Variants in GPHN observed in about 807,000 individuals in gnomAD.
GPHN encodes the protein gephyrin.
Under a neutral mutation model 95.5 loss-of-function variants are expected in GPHN, and 17 were observed. The observed-to-expected ratio is 0.18, with a 90% CI of 0.12 to 0.27. The LOEUF (loss-of-function observed/expected upper bound fraction) is 0.27, where lower values mean the gene tolerates loss of function less well. GPHN is among the 10% of genes least tolerant of loss of function. The probability of loss-of-function intolerance (pLI) is 1.00; values close to 1 mark genes in which losing one functional copy is unlikely to be tolerated. For synonymous variants in GPHN, 320 were observed against 322.5 expected, an observed-to-expected ratio of 0.99 and a Z score of 0.08; for missense variants, 660 against 978.1, an observed-to-expected ratio of 0.67 and a Z score of 4.34.
chr14:67,244,399 T>C, the GPHN span, among the ~76,000 whole-genome samples: 1 of 152,262 alleles, frequency 6.6e-6, no homozygotes. Flanking sequence ...TTCACATTCT[T>C]GCCCACACTG....
chr14:66,958,341 C>T (rs1483682522), intron 8 of GPHN, among the ~76,000 whole-genome samples: 1 of 152,098 alleles, frequency 6.6e-6, no homozygotes, highest in Admixed American at 6.6e-5. Context: ...TATCTTTTTC[C>T]ATTCCTTCAC....
At chr14:67,082,248 ATTTG>A (rs1484417120) in intron 11 of GPHN, among the ~76,000 whole-genome samples, 2 of 152,040 alleles carry the variant, frequency 1.3e-5, no homozygotes, top group Non-Finnish European at 2.9e-5. Context: ...ATGTGTTTCC[ATTTG>A]TTTGTGTCAT....
chr14:66,595,984 C>T (rs2140752310), intron 1 of GPHN, among the ~76,000 whole-genome samples: 1 of 152,164 alleles, frequency 6.6e-6, no homozygotes, highest in East Asian at 1.9e-4. Context: ...TTAAAGGAGA[C>T]CCACAGTGGG....
chr14:66,651,145 C>A (rs530506864), intron 1 of GPHN, among the ~76,000 whole-genome samples: 2 of 152,170 alleles, frequency 1.3e-5, no homozygotes, highest in Non-Finnish European at 2.9e-5. Flanking sequence ...TCAGAGATTT[C>A]TTTTAGGAGA....
At chr14:67,263,464 ATC>A in the GPHN span, among the ~76,000 whole-genome samples, 5 of 152,374 alleles carry the variant, frequency 3.3e-5, no homozygotes, top group Non-Finnish European at 7.3e-5. Flanking sequence ...TTAAAAGAGA[ATC>A]TCTATGAACA....
chr14:66,930,047 G>T (rs1169359513), intron 8 of GPHN, among the ~76,000 whole-genome samples: 1 of 152,158 alleles, frequency 6.6e-6, no homozygotes, highest in Non-Finnish European at 1.5e-5. Flanking sequence ...TGTGTTTCTT[G>T]TGACCAACAG....
chr14:66,865,000 A>G (rs1341989089), intron 4 of GPHN, among the ~76,000 whole-genome samples: 2 of 152,186 alleles, frequency 1.3e-5, no homozygotes, highest in African/African-American at 4.8e-5. Flanking sequence ...TATGTTTGTG[A>G]AGCCAGGCAC....
chr14:66,691,187 T>A (rs1423109849), intron 2 of GPHN, among the ~76,000 whole-genome samples: 1 of 146,072 alleles, frequency 6.8e-6, no homozygotes, highest in Non-Finnish European at 1.5e-5. Context: ...ACAATTTTTA[T>A]TTTTTTTTTT....
chr14:66,694,101 A>T (rs2067963670), intron 2 of GPHN, among the ~76,000 whole-genome samples: 1 of 152,162 alleles, frequency 6.6e-6, no homozygotes, highest in Non-Finnish European at 1.5e-5. Flanking sequence ...CATATGTTGA[A>T]GCTTAACCCC....
the GPHN span, chr14:67,656,287 A>G: frequency 2.1e-5 from 19 of 901,252 alleles, no homozygotes; most frequent in African/African-American, 5.1e-5. Flanking sequence ...TGAGAAAAGC[A>G]TAAGAACTTA....
At chr14:66,866,081 C>T (rs374838014) in intron 4 of GPHN, among the ~76,000 whole-genome samples, 1 of 152,072 alleles carries the variant, frequency 6.6e-6, no homozygotes, top group East Asian at 1.9e-4. Context: ...TCTTCTACCC[C>T]ACTCCCACCA....
chr14:66,994,971 ACATTC>A (rs1184416008), intron 9 of GPHN, among the ~76,000 whole-genome samples: 2 of 152,232 alleles, frequency 1.3e-5, no homozygotes, highest in East Asian at 3.8e-4. Flanking sequence ...AGCACCTACT[ACATTC>A]TGCTATGCTT....
At chr14:66,831,965 G>A (rs1253802838) in intron 4 of GPHN, among the ~76,000 whole-genome samples, 2 of 152,062 alleles carry the variant, frequency 1.3e-5, no homozygotes, top group Non-Finnish European at 2.9e-5. Flanking sequence ...TGGCCAACAT[G>A]GTGAAACCCA....
At chr14:66,707,880 G>A (rs2069243316) in intron 2 of GPHN, among the ~76,000 whole-genome samples, 1 of 152,048 alleles carries the variant, frequency 6.6e-6, no homozygotes, top group African/African-American at 2.4e-5. Flanking sequence ...GTCAAATCAG[G>A]CAGTTACTAT....
At chr14:66,861,442 G>C (rs986217014) in intron 4 of GPHN, among the ~76,000 whole-genome samples, 2 of 152,018 alleles carry the variant, frequency 1.3e-5, no homozygotes, top group South Asian at 4.1e-4. Flanking sequence ...AGATCATGCA[G>C]ACAGAAAATC....
At chr14:67,626,585 C>T in the GPHN span, among the ~76,000 whole-genome samples, 1 of 152,104 alleles carries the variant, frequency 6.6e-6, no homozygotes, top group Non-Finnish European at 1.5e-5. Flanking sequence ...CAATCTCGGC[C>T]TCAGCCTTCT....
intron 10 of GPHN, among the ~76,000 whole-genome samples, chr14:67,027,652 T>C (rs1417408640): frequency 1.3e-5 from 2 of 152,210 alleles, no homozygotes; most frequent in African/African-American, 2.4e-5. Flanking sequence ...TGATGTACTT[T>C]GTTCAGCCTG....
chr14:67,481,317 G>A, the GPHN span, among the ~76,000 whole-genome samples: 4 of 152,296 alleles, frequency 2.6e-5, no homozygotes, highest in Middle Eastern at 3.4e-3. Context: ...ACAAAAAAGC[G>A]AGATGGGGGA....
chr14:67,199,772 C>A, the GPHN span: 1 of 1,534,810 alleles, frequency 6.5e-7, no homozygotes, highest in Non-Finnish European at 8.9e-7. Context: ...ACCAGGCATG[C>A]CTCCTCCTGG....
Sources: allele counts gnomAD v4.1 joint callset (sites outside exome capture counted in the v4.1 genomes callset), GRCh38; gene constraint gnomAD v4.1.1; transcripts MANE v1.5; gene names NCBI Gene and HGNC (gene_info 2026-07-23, HGNC 2026-07-21).